The following CERKL variants were observed in gnomAD, a reference collection of about 807,000 sequenced individuals.
The protein encoded by CERKL is ceramide kinase-like protein.
CERKL carries 61 observed loss-of-function variants against 63.4 expected under a neutral mutation model. That is an observed-to-expected ratio of 0.96 (90% CI 0.78 to 1.19). The LOEUF (loss-of-function observed/expected upper bound fraction) is 1.19. Among genes scored for constraint, CERKL ranks in the 50% most tolerant of loss-of-function variants. The pLI is 0.00. For synonymous variants in CERKL, 250 were observed against 230.5 expected (o/e 1.08, Z -0.77); for missense variants, 675 against 655.5 (o/e 1.03, Z -0.33).
intron 2 of CERKL, among the ~76,000 whole-genome samples, chr2:181,594,614 T>C (rs1384438388): frequency 1.3e-5 from 2 of 152,196 alleles, no homozygotes; most frequent in East Asian, 3.8e-4. Flanking sequence ...TCTCTGCTCC[T>C]TCCACTGAAA....
chr2:181,557,989 G>C (rs1193248622), intron 5 of CERKL, among the ~76,000 whole-genome samples: 1 of 152,052 alleles, frequency 6.6e-6, no homozygotes, highest in African/African-American at 2.4e-5. Flanking sequence ...GCATCACTGT[G>C]GCATAGTCTA....
At chr2:181,543,857 G>A (rs115892105) in intron 11 of CERKL, among the ~76,000 whole-genome samples, 1 of 151,874 alleles carries the variant, frequency 6.6e-6, no homozygotes, top group Non-Finnish European at 1.5e-5. Flanking sequence ...GGAGGTGTGA[G>A]CCTGTAATCC....
chr2:181,565,362 C>G, intron 4 of CERKL: 1 of 1,004,960 alleles, frequency 1.0e-6, no homozygotes, highest in Non-Finnish European at 1.6e-6. Context: ...TAGTCTTACA[C>G]ATCAGTCCAA....
intron 3 of CERKL, among the ~76,000 whole-genome samples, chr2:181,567,370 T>G (rs1334473704): frequency 6.6e-6 from 1 of 152,174 alleles, no homozygotes; most frequent in Non-Finnish European, 1.5e-5. Context: ...ATGCTAAGAA[T>G]CAGTTCACCA....
chr2:181,561,068 C>T (rs1688419240), intron 4 of CERKL, among the ~76,000 whole-genome samples: 1 of 152,076 alleles, frequency 6.6e-6, no homozygotes, highest in South Asian at 2.1e-4. Flanking sequence ...GTTGGATATG[C>T]CTCCTTATAC....
Position 181,622,435 on chromosome 2 carries a change from A to C in CERKL, c.239-18356T>G, listed in dbSNP as rs184102916. Reference sequence around the variant, plus strand: ...ATAAAGACCTTCAAAAATAGTGACTACTCAAAGGCATGTTTGCTAACTTGA... The same window carrying C: ...ATAAAGACCTTCAAAAATAGTGACTCCTCAAAGGCATGTTTGCTAACTTGA... On this transcript the variant is annotated intron_variant, in intron 1 of 12. Coordinates refer to ENST00000410087, the MANE Select transcript of CERKL (RefSeq NM_201548.5). Among the ~76,000 whole-genome samples the C allele has an allele frequency of 7.2e-5, 11 of 152,308 alleles. No homozygotes were observed. In the East Asian group the frequency reaches 2.1e-3, roughly 29 times the overall value.
At chr2:181,577,561 A>G (rs1269693453) in intron 2 of CERKL, among the ~76,000 whole-genome samples, 1 of 152,180 alleles carries the variant, frequency 6.6e-6, no homozygotes, top group Non-Finnish European at 1.5e-5. Flanking sequence ...TGTGGGGGAA[A>G]TACTTAGAAA....
chr2:181,545,317 C>T (rs1026091911), intron 10 of CERKL, among the ~76,000 whole-genome samples: 1 of 152,046 alleles, frequency 6.6e-6, no homozygotes, highest in African/African-American at 2.4e-5. Context: ...ACAAATGCTG[C>T]CACACATGTT....
rs902308015 is a variant in CERKL at position 181,537,076 on chromosome 2, C to G, written c.*1108G>C. 9.0e-6 allele frequency: 4 copies of G among 446,830 alleles called. No individual in the cohort carries two copies. The highest frequency in any genetic ancestry group is 4.0e-5 in the African/African-American group (2 of 49,552). The allele number at this position is 446,830 out of a possible 1,614,324, so 27.7% of individuals were successfully genotyped here. ...AATGTAAGCACAAAACCTCCTGAAC[C>G]CAGAGTGTGTATACACAGGAATAAA... On this transcript the variant is annotated 3_prime_UTR_variant, in exon 13 of 13. Coordinates refer to ENST00000410087, the MANE Select transcript of CERKL (RefSeq NM_201548.5).
chr2:181,605,698 G>A (rs10930973), intron 1 of CERKL, among the ~76,000 whole-genome samples: 56,002 of 151,990 alleles, frequency 0.37, 13,517 homozygotes, highest in African/African-American at 0.68. Context: ...AATTCACAAT[G>A]TCACTCATCT....
At chr2:181,572,268 T>G (rs1048756696) in intron 3 of CERKL, among the ~76,000 whole-genome samples, 2 of 152,230 alleles carry the variant, frequency 1.3e-5, no homozygotes. Flanking sequence ...AGTTCTTTTA[T>G]GTATACCCCA....
At chr2:181,600,930 T>A (rs1237346984) in intron 2 of CERKL, among the ~76,000 whole-genome samples, 1 of 152,084 alleles carries the variant, frequency 6.6e-6, no homozygotes, top group Non-Finnish European at 1.5e-5. Context: ...ACATGGAACA[T>A]TCTCTAAAAT....
intron 5 of CERKL, among the ~76,000 whole-genome samples, chr2:181,551,233 T>C (rs182854563): frequency 1.2e-4 from 18 of 152,260 alleles, no homozygotes; most frequent in Non-Finnish European, 2.2e-4. Context: ...TTGTCAGAGC[T>C]AATAAACAAA....
chr2:181,556,371 T>A (rs1688206251), intron 5 of CERKL, among the ~76,000 whole-genome samples: 2 of 152,102 alleles, frequency 1.3e-5, no homozygotes, highest in South Asian at 2.1e-4. Context: ...TAGGTATTTC[T>A]CCTAATGTTA....
chr2:181,549,787 G>A (rs1289209692), intron 5 of CERKL, 79 bp from the exon 6 acceptor site: 1 of 908,542 alleles, frequency 1.1e-6, no homozygotes, highest in East Asian at 2.4e-5. Flanking sequence ...TTATGTAGAT[G>A]TCATTCTTCA....
intron 2 of CERKL, among the ~76,000 whole-genome samples, chr2:181,601,264 T>G (rs1293591484): frequency 2.6e-5 from 4 of 152,162 alleles, no homozygotes; most frequent in African/African-American, 9.7e-5. Flanking sequence ...GATATTAGTT[T>G]TAAGAGAAGT....
chr2:181,597,074 T>G (rs551706214), intron 2 of CERKL, among the ~76,000 whole-genome samples: 16 of 152,162 alleles, frequency 1.1e-4, no homozygotes, highest in Admixed American at 2.0e-4. Flanking sequence ...TAATGATAGT[T>G]TGTTATGTCT....
chr2:181,632,871 G>A (rs183551025), intron 1 of CERKL, among the ~76,000 whole-genome samples: 102 of 152,140 alleles, frequency 6.7e-4, no homozygotes, highest in African/African-American at 2.0e-3. Context: ...TCCTTACTTG[G>A]TCCTACTCCA....
At position 181,538,966 on chromosome 2, in the gene CERKL, C is replaced by CTGAT; in HGVS notation, c.1538+122_1538+125dup. ...TTTGTGCATGTCTCTTTATGCTTCC[C>CTGAT]TGATTTACTGATTTTTTAAAAACTA... On this transcript the variant is annotated intron_variant, in intron 12 of 12. Transcript: ENST00000410087. The CTGAT allele has an allele frequency of 5.4e-6, 4 of 738,046 alleles. No homozygotes were observed. The South Asian group carries it at 6.3e-5, about 12-fold the overall frequency. The allele number at this position is 738,046 out of a possible 1,614,324, so 45.7% of individuals were successfully genotyped here. A position where few individuals can be genotyped will look rare whatever the true frequency, so the allele number is the denominator to read the frequency against.
Sources: allele counts gnomAD v4.1 joint callset (sites outside exome capture counted in the v4.1 genomes callset), GRCh38; gene constraint gnomAD v4.1.1; transcripts MANE v1.5; gene names NCBI Gene and HGNC (gene_info 2026-07-23, HGNC 2026-07-21).